The following RBFOX1 variants were observed in gnomAD, a reference collection of about 807,000 sequenced individuals.
The protein encoded by RBFOX1 is RNA binding fox-1 homolog 1, also known as RNA binding protein fox-1 homolog 1.
In RBFOX1, 8 loss-of-function variants were observed where a neutral mutation model predicts 57.7. The observed-to-expected ratio is 0.14, with a 90% CI of 0.08 to 0.25. RBFOX1 has a LOEUF of 0.25. RBFOX1 is among the 10% of genes least tolerant of loss of function. The pLI, the probability that RBFOX1 is intolerant of heterozygous loss-of-function variation, is 1.00. For synonymous variants in RBFOX1, 326 were observed against 222.4 expected (o/e 1.47, Z -4.15); for missense variants, 611 against 548.5 (o/e 1.11, Z -1.14).
intron 3 of RBFOX1, among the ~76,000 whole-genome samples, chr16:6,950,814 GACT>G (rs1009039446): frequency 6.6e-6 from 1 of 152,074 alleles, no homozygotes; most frequent in Non-Finnish European, 1.5e-5. Flanking sequence ...GATGCTAAAG[GACT>G]ACATTTCCTT....
intron 4 of RBFOX1, among the ~76,000 whole-genome samples, chr16:7,238,121 G>A (rs777622974): frequency 6.6e-6 from 1 of 152,170 alleles, no homozygotes; most frequent in Non-Finnish European, 1.5e-5. Flanking sequence ...ACTTATATGA[G>A]GTGCCCATAG....
chr16:5,962,144 G>C (rs1014959656), intron 4 of RBFOX1, among the ~76,000 whole-genome samples: 1 of 152,118 alleles, frequency 6.6e-6, no homozygotes, highest in African/African-American at 2.4e-5. Context: ...CTGTCTTTAA[G>C]ATTTTCCAGA....
intron 5 of RBFOX1, among the ~76,000 whole-genome samples, chr16:7,539,290 C>T (rs1047934790): frequency 1.3e-5 from 2 of 152,112 alleles, no homozygotes; most frequent in African/African-American, 2.4e-5. Context: ...AAGCTGTGTT[C>T]TGAAGGATGG....
intron 1 of RBFOX1, among the ~76,000 whole-genome samples, chr16:6,181,628 G>A (rs1273663037): frequency 1.3e-5 from 2 of 152,046 alleles, no homozygotes; most frequent in South Asian, 2.1e-4. Flanking sequence ...TTCCTGTGGT[G>A]GGGGGGAGGA....
intron 3 of RBFOX1, among the ~76,000 whole-genome samples, chr16:6,965,783 C>G (rs2084005383): frequency 6.6e-6 from 1 of 152,174 alleles, no homozygotes; most frequent in African/African-American, 2.4e-5. Flanking sequence ...AGCAAGTACT[C>G]ACTTAGGTCC....
intron 2 of RBFOX1, among the ~76,000 whole-genome samples, chr16:6,645,853 C>A (rs1466081678): frequency 2.0e-5 from 3 of 152,186 alleles, no homozygotes; most frequent in Admixed American, 2.0e-4. Flanking sequence ...GCTTCTCTTA[C>A]AAATAGGGAA....
intron 3 of RBFOX1, among the ~76,000 whole-genome samples, chr16:6,971,481 A>G (rs753058689): frequency 6.2e-5 from 9 of 146,314 alleles, no homozygotes; most frequent in Non-Finnish European, 1.1e-4. Flanking sequence ...TCAGATTGCA[A>G]TATGAAGAGA....
At chr16:5,759,749 A>AT (rs922546800) in intron 3 of RBFOX1, among the ~76,000 whole-genome samples, 18 of 151,784 alleles carry the variant, frequency 1.2e-4, no homozygotes, top group Middle Eastern at 6.8e-3. Flanking sequence ...GCTGGCTGGC[A>AT]TTTTTCTGAT....
chr16:7,013,401 A>G (rs1002286883), intron 3 of RBFOX1, among the ~76,000 whole-genome samples: 1 of 152,202 alleles, frequency 6.6e-6, no homozygotes, highest in East Asian at 1.9e-4. Context: ...CCCAGAGAAC[A>G]TGTGACAATG....
intron 4 of RBFOX1, among the ~76,000 whole-genome samples, chr16:7,265,779 C>T (rs563594492): frequency 1.7e-3 from 260 of 152,088 alleles, no homozygotes; most frequent in African/African-American, 5.7e-3. Context: ...ACACTAATCC[C>T]ATCAGGAGGG....
intron 1 of RBFOX1, among the ~76,000 whole-genome samples, chr16:5,241,583 G>T (rs569722265): frequency 6.6e-6 from 1 of 152,196 alleles, no homozygotes; most frequent in African/African-American, 2.4e-5. Flanking sequence ...CATGGCACAC[G>T]CCAGTTACCC....
intron 3 of RBFOX1, among the ~76,000 whole-genome samples, chr16:6,798,498 A>T (rs982999951): frequency 6.6e-6 from 1 of 152,122 alleles, no homozygotes; most frequent in African/African-American, 2.4e-5. Context: ...CCTAATTCTG[A>T]ACCAGACCCC....
intron 3 of RBFOX1, among the ~76,000 whole-genome samples, chr16:6,710,180 AT>A (rs1194626662): frequency 2.6e-5 from 4 of 152,280 alleles, no homozygotes; most frequent in South Asian, 4.2e-4. Context: ...GTAGTTTCTA[AT>A]TTGGTTTAAC....
chr16:6,741,223 A>G (rs971963761), intron 3 of RBFOX1, among the ~76,000 whole-genome samples: 1 of 152,214 alleles, frequency 6.6e-6, no homozygotes, highest in Admixed American at 6.5e-5. Flanking sequence ...TCTCATAAAA[A>G]TTAGCTCAAA....
intron 1 of RBFOX1, among the ~76,000 whole-genome samples, chr16:5,318,825 T>C (rs1313905828): frequency 5.9e-5 from 9 of 152,156 alleles, no homozygotes; most frequent in Non-Finnish European, 1.0e-4. Flanking sequence ...CCTAATTGCG[T>C]GAGCCCTTTA....
chr16:7,524,978 A>G (rs1360735265), intron 5 of RBFOX1, among the ~76,000 whole-genome samples: 1 of 152,218 alleles, frequency 6.6e-6, no homozygotes, highest in East Asian at 1.9e-4. Flanking sequence ...AAAAGGATAT[A>G]AAATGAAAAC....
Position 6,019,035 on chromosome 16 carries a change from G to T in RBFOX1, c.-1084G>T. ...CTCCCTCGCGCACCAGATTATTTTT[G>T]GCTCCGCAGCCGGGGCTGCTCGCTG... On this transcript the variant is annotated 5_prime_UTR_variant, in exon 1 of 16. Transcript: ENST00000550418. The surrounding 1 kb of genome is among the most constrained non-coding windows in gnomAD (Gnocchi z 4.2). 1.1e-6 allele frequency: 1 copy of T among 933,550 alleles called. No individual in the cohort carries two copies. Among genetic ancestry groups the T allele is most frequent in the Non-Finnish European group, 1.3e-6 (1 of 783,534 alleles). The allele number at this position is 933,550 out of a possible 1,614,324, so 57.8% of individuals were successfully genotyped here.
At chr16:5,243,439 A>G (rs1365737648) in intron 1 of RBFOX1, among the ~76,000 whole-genome samples, 2 of 152,150 alleles carry the variant, frequency 1.3e-5, no homozygotes, top group East Asian at 1.9e-4. Context: ...CTTGCTGAGG[A>G]GAAACCTGGG....
intron 1 of RBFOX1, among the ~76,000 whole-genome samples, chr16:6,265,353 C>T (rs1258656578): frequency 6.6e-6 from 1 of 152,052 alleles, no homozygotes; most frequent in Non-Finnish European, 1.5e-5. Flanking sequence ...CCTCTGCCTC[C>T]CAAGTTCAAG....
Sources: allele counts gnomAD v4.1 joint callset (sites outside exome capture counted in the v4.1 genomes callset), GRCh38; gene constraint gnomAD v4.1.1; non-coding constraint Gnocchi (gnomAD v3.1); transcripts MANE v1.5; gene names NCBI Gene and HGNC (gene_info 2026-07-23, HGNC 2026-07-21).